HFM1: variants seen among roughly 807,000 people sequenced by gnomAD.
HFM1 encodes helicase for meiosis 1.
In HFM1, 169 loss-of-function variants were observed where a neutral mutation model predicts 192.1. That is an observed-to-expected ratio of 0.88 (90% CI 0.78 to 1.00). The LOEUF is 1.00. HFM1 is among the 50% of genes least tolerant of loss of function. The probability of loss-of-function intolerance (pLI) is 0.00; values close to 1 mark genes in which losing one functional copy is unlikely to be tolerated. For synonymous variants in HFM1, 525 were observed against 537.8 expected, an observed-to-expected ratio of 0.98 and a Z score of 0.33; for missense variants, 1,661 against 1,668.0, an observed-to-expected ratio of 1.00 and a Z score of 0.07.
At chr1:91,339,626 C>T (rs1655061490) in intron 20 of HFM1, among the ~76,000 whole-genome samples, 2 of 152,056 alleles carry the variant, frequency 1.3e-5, no homozygotes, top group African/African-American at 4.8e-5. Flanking sequence ...ATGAACAAAA[C>T]TTCCAAGAAA....
At chr1:91,301,161 C>T (rs1365813481) in intron 30 of HFM1, among the ~76,000 whole-genome samples, 1 of 151,940 alleles carries the variant, frequency 6.6e-6, no homozygotes, top group African/African-American at 2.4e-5. Context: ...AGAGCCAAAT[C>T]ATGAGTGAAC....
rs558085834 is a variant in HFM1 at position 91,335,807 on chromosome 1, AATC to A, written c.2335+7620_2335+7622del. On this transcript the variant is annotated intron_variant, in intron 20 of 38. Coordinates refer to ENST00000370425, the MANE Select transcript of HFM1 (RefSeq NM_001017975.6). ...TGATGGCCCCAGCTGCTGTGCTCTG[AATC>A]ATCATCATGTTTACACCGAGATCAT... is the stretch of plus-strand genomic sequence containing the variant. Among the ~76,000 whole-genome samples, 92 of 151,878 alleles carry A rather than the reference AATC, an allele frequency of 6.1e-4. 1 individual carries two copies. The highest frequency in any genetic ancestry group is 4.1e-3 in the Admixed American group (63 of 15,244).
intron 20 of HFM1, 84 bp from the exon 21 acceptor site, chr1:91,324,850 G>C (rs1652650429): frequency 1.3e-6 from 1 of 757,552 alleles, no homozygotes. Context: ...TTTCCTGAGG[G>C]GAGGAGAAGC....
intron 1 of HFM1, among the ~76,000 whole-genome samples, chr1:91,404,236 C>T (rs1664617194): frequency 6.6e-6 from 1 of 152,208 alleles, no homozygotes; most frequent in Non-Finnish European, 1.5e-5. Context: ...GGCTGGGGAC[C>T]GAATCAGCAC....
In HFM1 at chr1:91,267,833, T is replaced by C; in HGVS notation, c.3795A>G (p.Glu1265=). The stretch of plus-strand genomic sequence containing the variant: ...AATCATCCCAAACTTCATTTCCCAA[T>C]TCAAAGTTCACATTCAAAACTTCTG... ...QDKEVLNVNF[E]LGNEVWDDFD... is the part of the protein sequence containing the mutation. The change falls in exon 35 of 39, where the codon GAA becomes GAG. Residue 1265 remains glutamate, a synonymous_variant. Transcript: ENST00000370425. The C allele has an allele frequency of 6.3e-7, 1 of 1,580,306 alleles. No homozygotes were observed. Among genetic ancestry groups the C allele is most frequent in the Admixed American group, 1.9e-5 (1 of 52,648 alleles).
chr1:91,381,085 G>A (rs759373348), intron 6 of HFM1, 103 bp from the exon 7 acceptor site: 131 of 639,738 alleles, frequency 2.0e-4, no homozygotes, highest in Non-Finnish European at 3.2e-4. Flanking sequence ...AATATTTAAT[G>A]ATGAGGTTTT....
intron 30 of HFM1, 142 bp from the exon 31 acceptor site, chr1:91,277,204 C>A (rs903709990): frequency 5.3e-5 from 25 of 470,624 alleles, no homozygotes; most frequent in Non-Finnish European, 7.6e-5. Context: ...GTTTTGTAAT[C>A]CACGTAATTT....
intron 30 of HFM1, among the ~76,000 whole-genome samples, chr1:91,299,545 C>T (rs1376410696): frequency 6.6e-6 from 1 of 152,166 alleles, no homozygotes; most frequent in African/African-American, 2.4e-5. Context: ...TAAAGCTCTC[C>T]TCAGCAAATG....
At chr1:91,275,638 T>G (rs1666732177) in intron 32 of HFM1, among the ~76,000 whole-genome samples, 1 of 152,178 alleles carries the variant, frequency 6.6e-6, no homozygotes, top group Non-Finnish European at 1.5e-5. Context: ...TTTTGACTGT[T>G]CCTTCTATTT....
At chr1:91,321,022 C>T (rs282001) in intron 23 of HFM1, among the ~76,000 whole-genome samples, 15,062 of 152,220 alleles carry the variant, frequency 0.099, 1,063 homozygotes, top group African/African-American at 0.2. Flanking sequence ...TCCAGGGCTT[C>T]GTATGGTGGC....
chr1:91,365,705 G>A (rs1557457155), intron 13 of HFM1, among the ~76,000 whole-genome samples: 1 of 151,814 alleles, frequency 6.6e-6, no homozygotes, highest in Admixed American at 6.6e-5. Flanking sequence ...CTTTTTTTAA[G>A]GATTCACAAT....
At chr1:91,374,860 C>T (rs1660713618) in intron 13 of HFM1, among the ~76,000 whole-genome samples, 1 of 152,038 alleles carries the variant, frequency 6.6e-6, no homozygotes, top group South Asian at 2.1e-4. Context: ...CTTACAAACA[C>T]CTAAGAGTGT....
At chr1:91,273,222 T>C (rs1309098213) in intron 34 of HFM1, among the ~76,000 whole-genome samples, 4 of 152,008 alleles carry the variant, frequency 2.6e-5, no homozygotes, top group Non-Finnish European at 5.9e-5. Flanking sequence ...GTAAGAATCA[T>C]AGGTTTAAGA....
At chr1:91,295,620 C>A (rs1455577030) in intron 30 of HFM1, among the ~76,000 whole-genome samples, 2 of 152,208 alleles carry the variant, frequency 1.3e-5, no homozygotes, top group African/African-American at 4.8e-5. Context: ...GGGGTAAACA[C>A]AATTCAGCCC....
intron 2 of HFM1, among the ~76,000 whole-genome samples, chr1:91,399,390 C>T (rs1318349505): frequency 6.6e-6 from 1 of 152,128 alleles, no homozygotes; most frequent in Admixed American, 6.5e-5. Context: ...TTTTTACGTC[C>T]ATTTACATCA....
At chr1:91,333,191 G>A (rs2101542415) in intron 20 of HFM1, among the ~76,000 whole-genome samples, 1 of 152,260 alleles carries the variant, frequency 6.6e-6, no homozygotes, top group Admixed American at 6.5e-5. Flanking sequence ...GCCAAGATTT[G>A]GAAGCAACTT....
chr1:91,300,774 G>T (rs1294734289), intron 30 of HFM1, among the ~76,000 whole-genome samples: 1 of 152,118 alleles, frequency 6.6e-6, no homozygotes, highest in African/African-American at 2.4e-5. Context: ...AGTTATTGAT[G>T]GGACGTATCT....
chr1:91,392,021 G>T (rs944460508), intron 4 of HFM1, among the ~76,000 whole-genome samples: 4 of 152,152 alleles, frequency 2.6e-5, no homozygotes, highest in African/African-American at 9.7e-5. Context: ...GGCCATCAGA[G>T]AAATGAAAAT....
chr1:91,342,333 T>A (rs920404885), intron 20 of HFM1, among the ~76,000 whole-genome samples: 24 of 152,036 alleles, frequency 1.6e-4, no homozygotes, highest in African/African-American at 5.8e-4. Context: ...TTTTAAGCTG[T>A]AGGAATTTGA....
Sources: allele counts gnomAD v4.1 joint callset (sites outside exome capture counted in the v4.1 genomes callset), GRCh38; gene constraint gnomAD v4.1.1; transcripts MANE v1.5; gene names NCBI Gene and HGNC (gene_info 2026-07-23, HGNC 2026-07-21).